Variants in PPP2R3A observed in about 807,000 individuals in gnomAD.
PPP2R3A encodes protein phosphatase 2 regulatory subunit B''alpha.
PPP2R3A carries 80 observed loss-of-function variants against 106.9 expected under a neutral mutation model. The observed-to-expected ratio is 0.75, with a 90% CI of 0.62 to 0.90. The LOEUF (loss-of-function observed/expected upper bound fraction) is 0.90. Among genes scored for constraint, PPP2R3A ranks in the 40% least tolerant of loss-of-function variants. PPP2R3A has a pLI of 0.00. For missense variants in PPP2R3A, 1,386 were observed against 1,350.4 expected, an observed-to-expected ratio of 1.03 and a Z score of -0.41; for synonymous variants, 483 against 468.3, an observed-to-expected ratio of 1.03 and a Z score of -0.41.
chr3:136,007,974 T>C (rs566149528), intron 2 of PPP2R3A, among the ~76,000 whole-genome samples: 2 of 151,844 alleles, frequency 1.3e-5, no homozygotes, highest in African/African-American at 4.8e-5. Flanking sequence ...CAGGAATTTG[T>C]ATTTGAGATT....
intron 13 of PPP2R3A, among the ~76,000 whole-genome samples, chr3:136,128,289 C>T (rs1017924597): frequency 2.1e-4 from 30 of 144,714 alleles, no homozygotes; most frequent in Non-Finnish European, 4.2e-4. Context: ...CAAAGACACA[C>T]ATAGGCTCAA....
intron 3 of PPP2R3A, among the ~76,000 whole-genome samples, chr3:136,030,778 ATATGTATGTATGTATGTATG>A (rs1160535378): frequency 2.7e-5 from 3 of 111,306 alleles, no homozygotes; most frequent in Middle Eastern, 4.0e-3. Flanking sequence ...ATATATATAT[ATATGTATGTATGTATGTATG>A]TATGTATGTA....
At chr3:135,999,767 C>CTTATTT (rs1378230250) in intron 1 of PPP2R3A, among the ~76,000 whole-genome samples, 12 of 152,066 alleles carry the variant, frequency 7.9e-5, no homozygotes, top group Non-Finnish European at 1.6e-4. Context: ...TATTTATTTA[C>CTTATTT]TTATTTTTAT....
At chr3:136,080,987 T>C (rs1415576351) in intron 7 of PPP2R3A, among the ~76,000 whole-genome samples, 1 of 151,976 alleles carries the variant, frequency 6.6e-6, no homozygotes, top group Non-Finnish European at 1.5e-5. Flanking sequence ...CCCTCATGTG[T>C]TTCTTTTTTC....
intron 5 of PPP2R3A, among the ~76,000 whole-genome samples, chr3:136,051,430 A>G (rs901698432): frequency 4.6e-5 from 7 of 152,126 alleles, no homozygotes; most frequent in Admixed American, 2.6e-4. Context: ...CCTGGGTTCA[A>G]TTGATTGTCC....
At chr3:135,993,002 T>C (rs1037315505) in intron 1 of PPP2R3A, among the ~76,000 whole-genome samples, 5 of 152,134 alleles carry the variant, frequency 3.3e-5, no homozygotes, top group African/African-American at 1.2e-4. Context: ...TATAAAGCCA[T>C]TGAAAATCCA....
intron 13 of PPP2R3A, among the ~76,000 whole-genome samples, chr3:136,137,990 A>G (rs1938694487): frequency 6.6e-6 from 1 of 152,194 alleles, no homozygotes; most frequent in Non-Finnish European, 1.5e-5. Context: ...AGGTGGGAGA[A>G]TGTAGGAGAG....
At chr3:136,105,486 G>C (rs1052098226) in intron 12 of PPP2R3A, among the ~76,000 whole-genome samples, 1 of 152,036 alleles carries the variant, frequency 6.6e-6, no homozygotes, top group South Asian at 2.1e-4. Flanking sequence ...AATTAGCAGG[G>C]CATGGTGGTA....
At chr3:136,094,124 A>G (rs1421799973) in intron 10 of PPP2R3A, among the ~76,000 whole-genome samples, 1 of 152,232 alleles carries the variant, frequency 6.6e-6, no homozygotes, top group Admixed American at 6.5e-5. Context: ...AAGACACCAC[A>G]TACTGTATGA....
chr3:136,070,807 CTG>C (rs1471072759), intron 6 of PPP2R3A, among the ~76,000 whole-genome samples: 1 of 151,988 alleles, frequency 6.6e-6, no homozygotes, highest in African/African-American at 2.4e-5. Flanking sequence ...ATATCTTTTT[CTG>C]TGTTATGAAT....
Position 136,002,295 on chromosome 3 carries a change from G to A in PPP2R3A, c.797G>A (p.Ser266Asn), listed in dbSNP as rs747089042. 6.2e-7 allele frequency: 1 copy of A among 1,613,758 alleles called. No individual in the cohort carries two copies. Among genetic ancestry groups the A allele is most frequent in the Admixed American group, 1.7e-5 (1 of 59,998 alleles). Reference sequence around the variant, plus strand: ...TCAGGGAGTAGCATCAGTGAAGGAAGTGGTAATGATACAATTTCTAGCTCT... The same window carrying A: ...TCAGGGAGTAGCATCAGTGAAGGAAATGGTAATGATACAATTTCTAGCTCT... ...KKSGSSISEG[S>N]GNDTISSSET... The change falls in exon 2 of 14, where the codon AGT becomes AAT. Residue 266 changes from serine to asparagine, a missense_variant. Ser to Asn is a conservative substitution (Grantham distance 46). Coordinates refer to ENST00000264977, the MANE Select transcript of PPP2R3A (RefSeq NM_002718.5).
At chr3:136,140,074 C>T (rs1039142058) in intron 13 of PPP2R3A, among the ~76,000 whole-genome samples, 1 of 151,362 alleles carries the variant, frequency 6.6e-6, no homozygotes, top group African/African-American at 2.4e-5. Flanking sequence ...TGTTTGTGAA[C>T]CCTGTGAGTT....
chr3:135,980,894 CG>C (rs1181453451), intron 1 of PPP2R3A, among the ~76,000 whole-genome samples: 1 of 151,802 alleles, frequency 6.6e-6, no homozygotes, highest in Non-Finnish European at 1.5e-5. Context: ...TGAGTGGTAG[CG>C]GGGCATTTAC....
intron 10 of PPP2R3A, among the ~76,000 whole-genome samples, chr3:136,096,006 C>T (rs912664105): frequency 1.3e-5 from 2 of 152,174 alleles, no homozygotes; most frequent in Admixed American, 6.5e-5. Flanking sequence ...TAAATATGCT[C>T]AGAACACATC....
chr3:136,114,887 C>T (rs1465091175), intron 13 of PPP2R3A, among the ~76,000 whole-genome samples: 1 of 152,182 alleles, frequency 6.6e-6, no homozygotes, highest in Admixed American at 6.5e-5. Context: ...TGCCTGATGG[C>T]TCTGAAGAGA....
rs747152098 is a variant in PPP2R3A, at chr3:136,003,428, G to A, written c.1930G>A (p.Val644Ile). 6.2e-7 allele frequency: 1 copy of A among 1,613,854 alleles called. No homozygotes were observed. The highest frequency in any genetic ancestry group is 1.1e-5 in the South Asian group (1 of 91,032). ...QANLSVCRSP[V>I]GDKAKDTTSA... The stretch of plus-strand genomic sequence containing the variant: ...CAATTTATCAGTCTGTAGAAGTCCT[G>A]TTGGTGATAAAGCCAAAGATACTAC... Residue 644 changes from valine (V) to isoleucine (I), a missense_variant, in exon 2 of 14, where the codon GTT (valine) becomes ATT (isoleucine). Physicochemically the swap from Val to Ile is conservative, Grantham distance 29 (BLOSUM62 3). Transcript: ENST00000264977.
intron 13 of PPP2R3A, among the ~76,000 whole-genome samples, chr3:136,139,391 CTA>C (rs1383346705): frequency 6.6e-6 from 1 of 152,056 alleles, no homozygotes; most frequent in Non-Finnish European, 1.5e-5. Context: ...GCTAACAAAA[CTA>C]TGTTAGAGAA....
intron 10 of PPP2R3A, among the ~76,000 whole-genome samples, chr3:136,101,763 C>T (rs776543392): frequency 2.6e-5 from 4 of 151,466 alleles, no homozygotes; most frequent in Admixed American, 6.6e-5. Context: ...AAGAAAGGAG[C>T]GATATAGACG....
At chr3:136,130,189 T>G (rs928896408) in intron 13 of PPP2R3A, among the ~76,000 whole-genome samples, 19 of 152,050 alleles carry the variant, frequency 1.2e-4, no homozygotes, top group African/African-American at 3.9e-4. Flanking sequence ...GAGAAAGAAA[T>G]AAAGGGTATT....
Sources: allele counts gnomAD v4.1 joint callset (sites outside exome capture counted in the v4.1 genomes callset), GRCh38; gene constraint gnomAD v4.1.1; transcripts MANE v1.5; gene names NCBI Gene and HGNC (gene_info 2026-07-23, HGNC 2026-07-21).